HAX1: variants seen among roughly 807,000 people sequenced by gnomAD.
HAX1 encodes HCLS1-associated protein X-1.
A neutral mutation model predicts 31.1 loss-of-function variants in HAX1; 27 were observed. The observed-to-expected ratio is 0.87, with a 90% CI of 0.64 to 1.20. The LOEUF is 1.20. Among genes scored for constraint, HAX1 ranks in the 50% most tolerant of loss-of-function variants. HAX1 has a pLI of 0.00. For missense variants in HAX1, 357 were observed against 361.6 expected (o/e 0.99, Z 0.10); for synonymous variants, 114 against 124.1 (o/e 0.92, Z 0.54).
In HAX1 at chr1:154,275,418, T is replaced by C. The variant is rs1684912240; in HGVS notation, c.689T>C (p.Val230Ala). ...ATAGTGGAGGAGCGCCGGACTGTGG[T>C]GGACAGTGAGGGCCGGACAGAGACT... ...DGIVEERRTV[V>A]DSEGRTETTV... The change falls in exon 6 of 7, where the codon GTG becomes GCG. Residue 230 changes from valine (V) to alanine (A), a missense_variant. By Grantham distance (64) the Val-to-Ala change is moderately conservative (BLOSUM62 0). Coordinates refer to ENST00000328703, the MANE Select transcript of HAX1 (RefSeq NM_006118.4). The C allele has an allele frequency of 1.2e-6, 2 of 1,613,888 alleles. No individual in the cohort carries two copies. The highest frequency in any genetic ancestry group is 3.3e-5 in the Admixed American group (2 of 59,984).
chr1:154,273,375 A>T lies in HAX1; in HGVS notation c.93A>T (p.Glu31Asp), dbSNP rs933477633. 6.2e-6 allele frequency: 10 copies of T among 1,613,914 alleles called. No individual in the cohort carries two copies. The highest frequency in any genetic ancestry group is 6.8e-6 in the Non-Finnish European group (8 of 1,179,936). Reference sequence around the variant, plus strand: ...TTTTTGGAGGGATGACTCGAGATGAAGATGATGATGAGGAAGAAGAAGAAG... The same window carrying T: ...TTTTTGGAGGGATGACTCGAGATGATGATGATGATGAGGAAGAAGAAGAAG... ...DPFFGGMTRD[E>D]DDDEEEEEEG... Residue 31 changes from glutamate (E) to aspartate (D), a missense_variant, in exon 2 of 7, where the codon GAA becomes GAT. Transcript: ENST00000328703.
Position 154,274,959 on chromosome 1 carries a change from G to A in HAX1, c.514G>A (p.Val172Ile), listed in dbSNP as rs141970914. ...SQRPFHRFDD[V>I]WPMDPHPRTR... ...ATGGTTTCTTCTGCAGTTTGATGAT[G>A]TATGGCCTATGGACCCCCATCCTAG... is the stretch of plus-strand genomic sequence containing the variant. Residue 172 changes from valine to isoleucine, a missense_variant, in exon 4 of 7, where the codon GTA becomes ATA. Val to Ile is a conservative substitution (Grantham distance 29). Coordinates refer to ENST00000328703, the MANE Select transcript of HAX1 (RefSeq NM_006118.4). The A allele has an allele frequency of 1.1e-4, 184 of 1,610,744 alleles. 1 individual carries two copies. The East Asian group carries it at 3.2e-3, about 28-fold the overall frequency.
chr1:154,274,937 G>A lies in HAX1; in HGVS notation c.505-13G>A. 6.2e-7 allele frequency: 1 copy of A among 1,602,258 alleles called. No homozygotes were observed. Reference sequence around the variant, plus strand: ...GGAAGGAGTCTTTTCACTTACTATGGTTTCTTCTGCAGTTTGATGATGTAT... The same window carrying A: ...GGAAGGAGTCTTTTCACTTACTATGATTTCTTCTGCAGTTTGATGATGTAT... On this transcript the variant is annotated splice_polypyrimidine_tract_variant and intron_variant, in intron 3 of 6. Coordinates refer to ENST00000328703, the MANE Select transcript of HAX1 (RefSeq NM_006118.4).
chr1:154,274,830 T>C, intron 3 of HAX1, 120 bp from the exon 4 acceptor site: 1 of 746,194 alleles, frequency 1.3e-6, no homozygotes, highest in Admixed American at 2.0e-5. Flanking sequence ...AAGGCTATTC[T>C]GAATGGAATT....
chr1:154,274,483 G>A (rs1401572171), intron 3 of HAX1, among the ~76,000 whole-genome samples: 1 of 152,066 alleles, frequency 6.6e-6, no homozygotes, highest in Non-Finnish European at 1.5e-5. Context: ...CTGACCTCAG[G>A]TGATCCACCC....
rs900261947 is a variant in HAX1 at position 154,275,501 on chromosome 1, G to T, written c.754+18G>T. On this transcript the variant is annotated intron_variant, in intron 6 of 6. Coordinates refer to ENST00000328703, the MANE Select transcript of HAX1 (RefSeq NM_006118.4). ...TAGGGGTGGTAAGTTAAAAGACAAAGGGGTTCATCTCAAGATTCCTTGGGG... is the reference window on the plus strand; with the variant it reads ...TAGGGGTGGTAAGTTAAAAGACAAATGGGTTCATCTCAAGATTCCTTGGGG... 8.1e-6 allele frequency: 13 copies of T among 1,603,398 alleles called. No homozygotes were observed. The highest frequency in any genetic ancestry group is 1.3e-5 in the African/African-American group (1 of 74,716).
In HAX1 at chr1:154,275,136, A is replaced by G. The variant is rs760842693; in HGVS notation, c.557-18A>G. 31 of 1,557,868 alleles carry G rather than the reference A, an allele frequency of 2.0e-5. No individual in the cohort carries two copies. Among genetic ancestry groups the G allele is most frequent in the African/African-American group, 2.7e-5 (2 of 73,796 alleles). The stretch of plus-strand genomic sequence containing the variant: ...TGGACTCTTTCTCTCCTGCTTCTTC[A>G]TCTCTCTGCTCTTCCAGATCTTGAT... On this transcript the variant is annotated intron_variant, in intron 4 of 6. Transcript: ENST00000328703.
chr1:154,273,754 C>T lies in HAX1; in HGVS notation c.317-20C>T. 6.2e-7 allele frequency: 1 copy of T among 1,614,054 alleles called. No individual in the cohort carries two copies. The highest frequency in any genetic ancestry group is 8.5e-7 in the Non-Finnish European group (1 of 1,179,944). On this transcript the variant is annotated intron_variant, in intron 2 of 6. Transcript: ENST00000328703. ...CCAAGTCCTTTCCCATCCCAGCAAA[C>T]ACCTGCCACCTTTCTGCAGAACTTC...
At position 154,273,382 on chromosome 1, in the gene HAX1, G is replaced by C; in HGVS notation, c.100G>C (p.Asp34His). 2.5e-6 allele frequency: 4 copies of C among 1,614,000 alleles called. No homozygotes were observed. The highest frequency in any genetic ancestry group is 1.1e-5 in the South Asian group (1 of 91,064). Residue 34 changes from aspartate to histidine, a missense_variant, in exon 2 of 7, where the codon GAT becomes CAT. Transcript: ENST00000328703. ...FGGMTRDEDD[D>H]EEEEEEGGSW... is the part of the protein sequence containing the mutation. ...AGGGATGACTCGAGATGAAGATGAT[G>C]ATGAGGAAGAAGAAGAAGAAGGGGG...
Position 154,275,436 on chromosome 1 carries a change from C to T in HAX1, c.707C>T (p.Thr236Ile). 1.9e-6 allele frequency: 3 copies of T among 1,614,120 alleles called. No individual in the cohort carries two copies. Among genetic ancestry groups the T allele is most frequent in the Non-Finnish European group, 2.5e-6 (3 of 1,180,004 alleles). The change falls in exon 6 of 7, where the codon ACA becomes ATA. Residue 236 changes from threonine (T) to isoleucine (I), a missense_variant. By Grantham distance (89) the Thr-to-Ile change is moderately conservative. Transcript: ENST00000328703. Reference protein sequence around the residue: ...RRTVVDSEGRTETTVTRHEAD... With the variant: ...RRTVVDSEGRIETTVTRHEAD... ...ACTGTGGTGGACAGTGAGGGCCGGA[C>T]AGAGACTACAGTAACCCGACACGAA...
chr1:154,275,389 G>T lies in HAX1; in HGVS notation c.664-4G>T. On this transcript the variant is annotated splice_polypyrimidine_tract_variant and splice_region_variant and intron_variant, in intron 5 of 6. Transcript: ENST00000328703. ...CGGAATATGGTGGGGACTTCTCTTT[G>T]TAGATAGTGGAGGAGCGCCGGACTG... 6.2e-7 allele frequency: 1 copy of T among 1,613,550 alleles called. No individual in the cohort carries two copies.
chr1:154,275,097 C>T (rs750040484), intron 4 of HAX1, 57 bp from the exon 5 acceptor site: 35 of 1,438,490 alleles, frequency 2.4e-5, no homozygotes, highest in Non-Finnish European at 3.3e-5. Flanking sequence ...GTACACTTGT[C>T]TCCTTTTTTC....
At position 154,275,389 on chromosome 1, in the gene HAX1, G is replaced by A; in HGVS notation, c.664-4G>A. 6.2e-7 allele frequency: 1 copy of A among 1,613,550 alleles called. No homozygotes were observed. Among genetic ancestry groups the A allele is most frequent in the Non-Finnish European group, 8.5e-7 (1 of 1,179,430 alleles). On this transcript the variant is annotated splice_polypyrimidine_tract_variant and splice_region_variant and intron_variant, in intron 5 of 6. Coordinates refer to ENST00000328703, the MANE Select transcript of HAX1 (RefSeq NM_006118.4). ...CGGAATATGGTGGGGACTTCTCTTT[G>A]TAGATAGTGGAGGAGCGCCGGACTG...
Position 154,275,842 on chromosome 1 carries a change from C to G in HAX1, c.*141C>G. The G allele has an allele frequency of 1.4e-6, 1 of 692,000 alleles. No homozygotes were observed. Among genetic ancestry groups the G allele is most frequent in the Non-Finnish European group, 2.6e-6 (1 of 377,696 alleles). 42.9% of individuals were successfully genotyped at this position (692,000 alleles called of 1,614,324 possible). A position where few individuals can be genotyped will look rare whatever the true frequency, so the allele number is the denominator to read the frequency against. ...GGGGCCATGTCAGTTTGTCACTCAC[C>G]CAAACTGACCAATAAAACCTTTATT... On this transcript the variant is annotated 3_prime_UTR_variant, in exon 7 of 7. Transcript: ENST00000328703.
Position 154,274,062 on chromosome 1 carries a change from C to A in HAX1, c.504+101C>A. 3 of 1,078,306 alleles carry A rather than the reference C, an allele frequency of 2.8e-6. No homozygotes were observed. In the South Asian group the frequency reaches 3.8e-5, roughly 14 times the overall value. The allele number at this position is 1,078,306 out of a possible 1,614,324, so 66.8% of individuals were successfully genotyped here. On this transcript the variant is annotated intron_variant, in intron 3 of 6. Transcript: ENST00000328703. Reference sequence around the variant, plus strand: ...GTGGCTCACGCCTGTAATCCCAGCACTTTGGGAGGCCGAGGTGGGCAGATC... The same window carrying A: ...GTGGCTCACGCCTGTAATCCCAGCAATTTGGGAGGCCGAGGTGGGCAGATC...
chr1:154,273,384 T>G lies in HAX1; in HGVS notation c.102T>G (p.Asp34Glu), dbSNP rs141512965. ...GGATGACTCGAGATGAAGATGATGA[T>G]GAGGAAGAAGAAGAAGAAGGGGGCT... is the stretch of plus-strand genomic sequence containing the variant. ...FGGMTRDEDD[D>E]EEEEEEGGSW... The change falls in exon 2 of 7, where the codon GAT (aspartate) becomes GAG (glutamate). Residue 34 changes from aspartate to glutamate, a missense_variant. By Grantham distance (45) the Asp-to-Glu change is conservative. Transcript: ENST00000328703. The G allele has an allele frequency of 5.6e-5, 90 of 1,613,138 alleles. No individual in the cohort carries two copies. Among genetic ancestry groups the G allele is most frequent in the Middle Eastern group, 1.6e-4 (1 of 6,082 alleles).
chr1:154,275,579 C>A, intron 6 of HAX1, 37 bp from the exon 7 acceptor site: 1 of 1,584,630 alleles, frequency 6.3e-7, no homozygotes, highest in Non-Finnish European at 8.7e-7. Flanking sequence ...TAGTCTCTTT[C>A]ATTTAGCCTA....
chr1:154,273,336 CCA>C lies in HAX1; in HGVS notation c.57_58del (p.His19GlnfsTer12). 6.2e-7 allele frequency: 1 copy of C among 1,613,816 alleles called. No homozygotes were observed. The highest frequency in any genetic ancestry group is 8.5e-7 in the Non-Finnish European group (1 of 1,179,924). ...GFFGFPGPRS[H>X]RDPFFGGMTR... ...GTGGCCAATCTGCCTCCACTCTCAG[CCA>C]CAGAGATCCCTTTTTTGGAGGGATG... On this transcript the variant is annotated frameshift_variant and splice_region_variant, in exon 2 of 7. Transcript: ENST00000328703. LOFTEE classifies it high-confidence loss of function.
At chr1:154,273,171 AG>A (rs146702843) in intron 1 of HAX1, 164 bp from the exon 2 acceptor site, 269 of 678,452 alleles carry the variant, frequency 4.0e-4, no homozygotes, top group Admixed American at 1.1e-3. Flanking sequence ...AAAAAAAAAA[AG>A]AACTGTCAGC....
Sources: allele counts gnomAD v4.1 joint callset (sites outside exome capture counted in the v4.1 genomes callset), GRCh38; gene constraint gnomAD v4.1.1; transcripts MANE v1.5; gene names NCBI Gene and HGNC (gene_info 2026-07-23, HGNC 2026-07-21).